Variants in CCDC144A observed in about 807,000 individuals in gnomAD.
The protein encoded by CCDC144A is coiled-coil domain containing 144A, also known as coiled-coil domain-containing protein 144A.
A neutral mutation model predicts 143.8 loss-of-function variants in CCDC144A; 41 were observed. That is an observed-to-expected ratio of 0.29 (90% confidence interval 0.22 to 0.37). The LOEUF (loss-of-function observed/expected upper bound fraction) is 0.37, where lower values mean the gene tolerates loss of function less well. CCDC144A is among the 10% of genes least tolerant of loss of function. CCDC144A has a pLI of 1.00. For missense variants in CCDC144A, 637 were observed against 1,488.8 expected, an observed-to-expected ratio of 0.43 and a Z score of 9.41; for synonymous variants, 242 against 517.9, an observed-to-expected ratio of 0.47 and a Z score of 7.23.
the CCDC144A span, among the ~76,000 whole-genome samples, chr17:16,682,895 T>G: frequency 0.034 from 2,906 of 84,950 alleles, 31 homozygotes; most frequent in African/African-American, 0.089. Context: ...TTTTTTTTTT[T>G]TTTTTTTTTT....
chr17:16,761,373 C>T (rs1915359189), intron 12 of CCDC144A, 52 bp from the exon 13 acceptor site: 6 of 1,548,008 alleles, frequency 3.9e-6, no homozygotes, highest in Non-Finnish European at 5.2e-6. Context: ...TTTGTTAGAC[C>T]ATTCTCAGTC....
chr17:16,686,665 T>C (rs569685452), upstream of CCDC144A, among the ~76,000 whole-genome samples: 3 of 151,804 alleles, frequency 2.0e-5, no homozygotes, highest in African/African-American at 7.2e-5. Context: ...GTTTTTTTTT[T>C]GAGAGAGCAT....
At chr17:16,716,774 G>A (rs1912777017) in intron 6 of CCDC144A, among the ~76,000 whole-genome samples, 1 of 150,380 alleles carries the variant, frequency 6.6e-6, no homozygotes, top group African/African-American at 2.4e-5. Context: ...TGAGTTTCAT[G>A]TGTGAGAGTC....
At chr17:16,722,281 C>T (rs1342294628) in intron 8 of CCDC144A, among the ~76,000 whole-genome samples, 1 of 152,064 alleles carries the variant, frequency 6.6e-6, no homozygotes, top group Non-Finnish European at 1.5e-5. Flanking sequence ...ATAAACCCCA[C>T]TTGTTTATGA....
At chr17:16,680,027 C>T in the CCDC144A span, among the ~76,000 whole-genome samples, 3 of 151,930 alleles carry the variant, frequency 2.0e-5, no homozygotes, top group Non-Finnish European at 4.4e-5. Context: ...CTACATATTA[C>T]TAATCTAAAA....
intron 15 of CCDC144A, among the ~76,000 whole-genome samples, chr17:16,766,834 T>C (rs192358752): frequency 6.6e-6 from 1 of 152,216 alleles, no homozygotes; most frequent in East Asian, 1.9e-4. Flanking sequence ...TTCTGTTTTG[T>C]GGGGAAGGGG....
upstream of CCDC144A, among the ~76,000 whole-genome samples, chr17:16,688,887 T>G (rs1312996441): frequency 1.3e-5 from 2 of 152,152 alleles, no homozygotes; most frequent in Non-Finnish European, 2.9e-5. Context: ...ATCCCTAATT[T>G]TAGTTGGTCA....
Position 16,746,338 on chromosome 17 carries a change from TAA to T in CCDC144A, c.3372+10696_3372+10697del, listed in dbSNP as rs112471586. On this transcript the variant is annotated intron_variant, in intron 12 of 16. Coordinates refer to ENST00000399273, the MANE Select transcript of CCDC144A (RefSeq NM_001382000.1). ...CCTCTTCCCGCAAACGTTTATTTTC[TAA>T]CTCTCTCCTCCGTTCTTCTCGCTTC... 0.011 allele frequency: 12,703 copies of T among 1,159,944 alleles called. 1,123 individuals carry two copies. In the African/African-American group the frequency reaches 0.19, roughly 18 times the overall value. The allele number at this position is 1,159,944 out of a possible 1,614,324, so 71.9% of individuals were successfully genotyped here. A position where few individuals can be genotyped will look rare whatever the true frequency, so the allele number is the denominator to read the frequency against.
At chr17:16,758,499 A>T (rs1232639058) in intron 12 of CCDC144A, among the ~76,000 whole-genome samples, 1 of 152,324 alleles carries the variant, frequency 6.6e-6, no homozygotes, top group Non-Finnish European at 1.5e-5. Context: ...CCCACCCAGC[A>T]TTCTCCTAAA....
chr17:16,688,492 T>G (rs1254575293), upstream of CCDC144A, among the ~76,000 whole-genome samples: 28 of 124,792 alleles, frequency 2.2e-4, no homozygotes, highest in East Asian at 4.5e-4. Flanking sequence ...CTGTTTTTTT[T>G]TTTTTTTTTT....
intron 12 of CCDC144A, among the ~76,000 whole-genome samples, chr17:16,755,158 T>G (rs553826146): frequency 1.3e-5 from 2 of 152,364 alleles, no homozygotes; most frequent in Admixed American, 6.5e-5. Flanking sequence ...GGCAGCATAT[T>G]ATTTGGTCTT....
Position 16,725,532 on chromosome 17 carries a change from C to A in CCDC144A, c.1892-1995C>A, listed in dbSNP as rs537423341. On this transcript the variant is annotated intron_variant, in intron 8 of 16. Coordinates refer to ENST00000399273, the MANE Select transcript of CCDC144A (RefSeq NM_001382000.1). ...GGCATAAGAAAATTATGAATGAAAA[C>A]CCAAACATTGTATGTTCTCACTTGT... Among the ~76,000 whole-genome samples the A allele has an allele frequency of 1.3e-3, 197 of 151,720 alleles. 1 individual carries two copies. Among genetic ancestry groups the A allele is most frequent in the African/African-American group, 4.7e-3 (193 of 41,342 alleles).
chr17:16,746,760 C>T (rs2656422), intron 12 of CCDC144A: 22 of 1,555,220 alleles, frequency 1.4e-5, no homozygotes, highest in Non-Finnish European at 1.9e-5. Context: ...CAGATGACCA[C>T]CTGCGGGGAG....
At chr17:16,678,723 G>A in the CCDC144A span, among the ~76,000 whole-genome samples, 5 of 149,112 alleles carry the variant, frequency 3.4e-5, no homozygotes, top group Non-Finnish European at 5.9e-5. Flanking sequence ...TGGGACTATA[G>A]GCATGTGCCA....
intron 1 of CCDC144A, 51 bp downstream of exon 1, chr17:16,690,795 G>A: frequency 6.5e-7 from 1 of 1,536,830 alleles, no homozygotes; most frequent in Non-Finnish European, 8.8e-7. Flanking sequence ...CTGGCTTTCT[G>A]GTGCCCGCAG....
the CCDC144A span, among the ~76,000 whole-genome samples, chr17:16,673,037 T>C: frequency 5.9e-5 from 9 of 152,258 alleles, no homozygotes; most frequent in Admixed American, 1.3e-4. Flanking sequence ...ATTTAACAAA[T>C]GATAAACCTT....
At chr17:16,753,437 T>TTGTTGTTG (rs1914909558) in intron 12 of CCDC144A, among the ~76,000 whole-genome samples, 18 of 123,154 alleles carry the variant, frequency 1.5e-4, no homozygotes, top group African/African-American at 8.9e-4. Flanking sequence ...AGTTTTTTTT[T>TTGTTGTTG]TTTTTTTTTT....
At chr17:16,728,459 ATTTCT>A (rs764707051) in intron 9 of CCDC144A, among the ~76,000 whole-genome samples, 31 of 152,140 alleles carry the variant, frequency 2.0e-4, no homozygotes, top group Non-Finnish European at 3.1e-4. Context: ...TTTGATCAAT[ATTTCT>A]TAATTTTTCA....
intron 12 of CCDC144A, chr17:16,746,321 C>A: frequency 8.8e-7 from 1 of 1,132,960 alleles, no homozygotes; most frequent in Non-Finnish European, 1.2e-6. Flanking sequence ...TTCCTCTTCC[C>A]GCAAACGTTT....
Sources: gnomAD v4.1 joint callset for allele counts (sites outside exome capture counted in the v4.1 genomes callset) on GRCh38, gnomAD v4.1.1 for gene constraint, MANE v1.5 for transcripts, NCBI Gene and HGNC (gene_info 2026-07-23, HGNC 2026-07-21) for gene names.